Variants in PPP4R2 observed in about 807,000 individuals in gnomAD.
The protein encoded by PPP4R2 is protein phosphatase 4 regulatory subunit 2.
Under a neutral mutation model 47.2 loss-of-function variants are expected in PPP4R2, and 13 were observed. The observed-to-expected ratio is 0.28, with a 90% CI of 0.18 to 0.44. PPP4R2 has a LOEUF of 0.44. Ranked by LOEUF, PPP4R2 falls within the 20% of genes least tolerant of loss-of-function variation. The pLI, the probability that PPP4R2 is intolerant of heterozygous loss-of-function variation, is 1.00. For missense variants in PPP4R2, 421 were observed against 491.2 expected, an observed-to-expected ratio of 0.86 and a Z score of 1.35; for synonymous variants, 151 against 163.3, an observed-to-expected ratio of 0.92 and a Z score of 0.57.
intron 2 of PPP4R2, among the ~76,000 whole-genome samples, chr3:73,039,184 C>T (rs547377061): frequency 6.6e-5 from 10 of 152,278 alleles, no homozygotes; most frequent in Admixed American, 3.9e-4. Context: ...AGTGCAGTGG[C>T]GCCATCTTGG....
intron 2 of PPP4R2, among the ~76,000 whole-genome samples, chr3:73,008,166 A>C (rs1380976051): frequency 2.0e-5 from 3 of 151,988 alleles, no homozygotes; most frequent in South Asian, 4.2e-4. Flanking sequence ...ATAAATACTA[A>C]AATTACTAAA....
chr3:73,023,181 CTTTTT>C (rs10714217), intron 2 of PPP4R2, among the ~76,000 whole-genome samples: 1 of 150,128 alleles, frequency 6.7e-6, no homozygotes, highest in Admixed American at 6.6e-5. Flanking sequence ...TTTTCTTTTC[CTTTTT>C]TTTGTTTTTT....
intron 2 of PPP4R2, among the ~76,000 whole-genome samples, chr3:73,012,269 C>A (rs954998191): frequency 1.3e-5 from 2 of 152,124 alleles, no homozygotes; most frequent in Non-Finnish European, 2.9e-5. Flanking sequence ...AGAAATGTCT[C>A]CACATTTCAG....
chr3:73,057,110 A>G (rs1403726973), intron 3 of PPP4R2, among the ~76,000 whole-genome samples: 1 of 152,138 alleles, frequency 6.6e-6, no homozygotes, highest in Non-Finnish European at 1.5e-5. Flanking sequence ...CATGAACTAG[A>G]AGAGGAGCTA....
chr3:73,027,973 G>A (rs1479678170), intron 2 of PPP4R2: 2 of 148,938 alleles, frequency 1.3e-5, no homozygotes, highest in African/African-American at 5.0e-5. Context: ...GAGACGGGGT[G>A]GGCTGGGCAC....
At chr3:73,062,077 T>TA (rs1559569526) in intron 5 of PPP4R2, 1 of 1,530,100 alleles carries the variant, frequency 6.5e-7, no homozygotes, top group East Asian at 2.4e-5. Flanking sequence ...TCATAGCGAC[T>TA]AATAATGGGT....
At chr3:73,062,051 G>A (rs1702871002) in intron 5 of PPP4R2, 2 of 1,457,934 alleles carry the variant, frequency 1.4e-6, no homozygotes, top group East Asian at 2.5e-5. Flanking sequence ...AAATGGTAAA[G>A]AAGTGCAGAG....
At position 73,027,247 on chromosome 3, in the gene PPP4R2, C is replaced by T. The variant is rs767335076; in HGVS notation, c.117-19939C>T. The stretch of plus-strand genomic sequence containing the variant: ...GTTGAAGCTCTTCCCCTGCCTCAGC[C>T]TCCCAAGTAGCTGGGACTACAGGCG... On this transcript the variant is annotated intron_variant, in intron 2 of 8. Coordinates refer to ENST00000356692, the MANE Select transcript of PPP4R2 (RefSeq NM_174907.4). 4.0e-4 allele frequency among the ~76,000 whole-genome samples: 61 copies of T among 152,326 alleles called. No homozygotes were observed. The Middle Eastern group carries it at 0.01, about 25-fold the overall frequency.
intron 2 of PPP4R2, among the ~76,000 whole-genome samples, chr3:73,045,111 G>T (rs2637747): frequency 0.011 from 1,669 of 152,048 alleles, 8 homozygotes; most frequent in Non-Finnish European, 0.018. Context: ...CTGTTGCCTC[G>T]GCCTCTTGAG....
At chr3:73,021,832 A>G (rs1701964523) in intron 2 of PPP4R2, among the ~76,000 whole-genome samples, 1 of 149,704 alleles carries the variant, frequency 6.7e-6, no homozygotes, top group African/African-American at 2.5e-5. Context: ...TTAACAGTGA[A>G]GTATTACATT....
At chr3:73,053,688 T>A (rs1178526991) in intron 3 of PPP4R2, among the ~76,000 whole-genome samples, 3 of 151,878 alleles carry the variant, frequency 2.0e-5, no homozygotes, top group Non-Finnish European at 2.9e-5. Flanking sequence ...GGCAGGCGGA[T>A]CATGAGGTCA....
intron 2 of PPP4R2, among the ~76,000 whole-genome samples, chr3:73,040,661 C>T (rs1005835724): frequency 1.3e-5 from 2 of 151,974 alleles, no homozygotes; most frequent in East Asian, 1.9e-4. Flanking sequence ...TATAGGCGCT[C>T]ACCACCATGC....
chr3:72,997,156 C>T, intron 1 of PPP4R2, 85 bp downstream of exon 1: 1 of 1,118,456 alleles, frequency 8.9e-7, no homozygotes, highest in Non-Finnish European at 1.2e-6. Context: ...TTCCGAGGAC[C>T]GGGGCCGGGC....
chr3:73,050,977 C>T lies in PPP4R2; in HGVS notation c.287+3621C>T, dbSNP rs561069475. ...CTGCTCAGGCTGGAGTGCAATGGAA[C>T]GATCTCGGCTCACCACATCCTCCCC... On this transcript the variant is annotated intron_variant, in intron 3 of 8. Transcript: ENST00000356692. Among the ~76,000 whole-genome samples the T allele has an allele frequency of 7.2e-5, 11 of 152,236 alleles. No homozygotes were observed. In the East Asian group the frequency reaches 1.4e-3, roughly 19 times the overall value.
rs767397118 is a variant in PPP4R2 at position 73,067,616 on chromosome 3, T to A, written c.*1894T>A. 2 of 152,166 alleles carry A rather than the reference T, an allele frequency of 1.3e-5. No homozygotes were observed. The highest frequency in any genetic ancestry group is 4.8e-5 in the African/African-American group (2 of 41,466). The allele number at this position is 152,166 out of a possible 1,614,324, so 9.4% of individuals were successfully genotyped here. On this transcript the variant is annotated 3_prime_UTR_variant, in exon 9 of 9. Coordinates refer to ENST00000356692, the MANE Select transcript of PPP4R2 (RefSeq NM_174907.4). ...AAATTTAAGTTTACAAATTTTGAAA[T>A]TTTCTTTTGAATATTTATGAAATTG...
intron 6 of PPP4R2, 85 bp downstream of exon 6, chr3:73,063,832 G>A: frequency 8.8e-7 from 1 of 1,139,604 alleles, no homozygotes; most frequent in East Asian, 2.4e-5. Flanking sequence ...TAAAAATTGG[G>A]CATTTTATGG....
chr3:72,998,198 A>G, intron 2 of PPP4R2, 40 bp downstream of exon 2: 2 of 1,259,720 alleles, frequency 1.6e-6, no homozygotes, highest in Non-Finnish European at 2.2e-6. Context: ...AGACCAGTGC[A>G]TTATTAAGAA....
At chr3:73,018,479 G>C (rs527745239) in intron 2 of PPP4R2, among the ~76,000 whole-genome samples, 1 of 59,902 alleles carries the variant, frequency 1.7e-5, no homozygotes, top group African/African-American at 7.0e-5. Flanking sequence ...TCCGAAACAG[G>C]GTCTTGCTCT....
intron 8 of PPP4R2, 45 bp downstream of exon 8, chr3:73,065,186 A>C: frequency 6.6e-7 from 1 of 1,515,052 alleles, no homozygotes; most frequent in Non-Finnish European, 8.8e-7. Flanking sequence ...GGAGATCCTC[A>C]AATTCTTGTA....
Sources: gnomAD v4.1 joint callset for allele counts (sites outside exome capture counted in the v4.1 genomes callset) on GRCh38, gnomAD v4.1.1 for gene constraint, MANE v1.5 for transcripts, NCBI Gene and HGNC (gene_info 2026-07-23, HGNC 2026-07-21) for gene names.